Variants in COL23A1 observed in about 807,000 individuals in gnomAD.
COL23A1 encodes collagen type XXIII alpha 1 chain.
In COL23A1, 97 loss-of-function variants were observed where a neutral mutation model predicts 99.3. That is an observed-to-expected ratio of 0.98 (90% CI 0.83 to 1.16). The LOEUF (loss-of-function observed/expected upper bound fraction) is 1.16. Among genes scored for constraint, COL23A1 ranks in the 50% most tolerant of loss-of-function variants. The pLI is 0.00. For missense variants in COL23A1, 762 were observed against 757.4 expected (o/e 1.01, Z -0.07); for synonymous variants, 320 against 308.2 (o/e 1.04, Z -0.40).
intron 2 of COL23A1, among the ~76,000 whole-genome samples, chr5:178,464,889 A>C (rs1756330775): frequency 6.6e-6 from 1 of 152,212 alleles, no homozygotes. Flanking sequence ...CCAAGGTCAC[A>C]CAGTGGCTCT....
chr5:178,322,277 C>T (rs189623059), intron 2 of COL23A1, among the ~76,000 whole-genome samples: 8 of 152,316 alleles, frequency 5.3e-5, no homozygotes, highest in African/African-American at 1.2e-4. Flanking sequence ...CAAGCGTGAG[C>T]CACCGCACCT....
chr5:178,258,037 C>T (rs976632808), intron 12 of COL23A1, among the ~76,000 whole-genome samples: 6 of 152,096 alleles, frequency 3.9e-5, no homozygotes, highest in Admixed American at 3.3e-4. Flanking sequence ...TGAACAGCCA[C>T]TGCACTCCAG....
chr5:178,500,157 T>C (rs1758441216), intron 2 of COL23A1, among the ~76,000 whole-genome samples: 1 of 152,018 alleles, frequency 6.6e-6, no homozygotes, highest in Admixed American at 6.5e-5. Flanking sequence ...GGAAGGAACT[T>C]TTAGGGTGAT....
chr5:178,406,000 G>A (rs1764744334), intron 2 of COL23A1, among the ~76,000 whole-genome samples: 1 of 152,158 alleles, frequency 6.6e-6, no homozygotes, highest in Non-Finnish European at 1.5e-5. Context: ...CTACTTGGGA[G>A]GCTGAGGCAG....
At chr5:178,405,454 A>G (rs1454340293) in intron 2 of COL23A1, among the ~76,000 whole-genome samples, 1 of 152,244 alleles carries the variant, frequency 6.6e-6, no homozygotes, top group Non-Finnish European at 1.5e-5. Flanking sequence ...ATGCTTAAAC[A>G]CTTTCATTAT....
At chr5:178,496,966 G>T (rs1562024327) in intron 2 of COL23A1, among the ~76,000 whole-genome samples, 2 of 152,150 alleles carry the variant, frequency 1.3e-5, no homozygotes, top group African/African-American at 2.4e-5. Flanking sequence ...GCTTCATTGG[G>T]CCTCTCTGAG....
At chr5:178,568,585 T>C (rs1219894616) in intron 1 of COL23A1, among the ~76,000 whole-genome samples, 2 of 152,240 alleles carry the variant, frequency 1.3e-5, no homozygotes, top group African/African-American at 4.8e-5. Flanking sequence ...AACTCCTGTA[T>C]CCTTTCCTCC....
At chr5:178,325,002 C>T (rs1759563655) in intron 2 of COL23A1, among the ~76,000 whole-genome samples, 2 of 151,902 alleles carry the variant, frequency 1.3e-5, no homozygotes, top group African/African-American at 4.8e-5. Context: ...ACCTCACAAA[C>T]ACCTCGCGAA....
rs147134450 is a variant in COL23A1 at position 178,367,663 on chromosome 5, C to T, written c.362-60744G>A. Reference sequence around the variant, plus strand: ...GCTGCAGAGGGCCCATGGGATTCTGCTGCTGAACAGATGCAGGCTGCCATC... The same window carrying T: ...GCTGCAGAGGGCCCATGGGATTCTGTTGCTGAACAGATGCAGGCTGCCATC... On this transcript the variant is annotated intron_variant, in intron 2 of 28. Coordinates refer to ENST00000390654, the MANE Select transcript of COL23A1 (RefSeq NM_173465.4). 6.7e-3 allele frequency among the ~76,000 whole-genome samples: 1,022 copies of T among 152,352 alleles called. 9 individuals carry two copies. Among genetic ancestry groups the T allele is most frequent in the African/African-American group, 0.023 (976 of 41,578 alleles).
At chr5:178,334,431 G>A (rs1403947849) in intron 2 of COL23A1, among the ~76,000 whole-genome samples, 4 of 82,296 alleles carry the variant, frequency 4.9e-5, no homozygotes, top group Non-Finnish European at 1.1e-4. Context: ...GGCACCGGCC[G>A]GCACAGGCCA....
At chr5:178,578,899 C>T (rs1466129493) in intron 1 of COL23A1, among the ~76,000 whole-genome samples, 1 of 152,032 alleles carries the variant, frequency 6.6e-6, no homozygotes, top group East Asian at 1.9e-4. Flanking sequence ...TTCACAATGA[C>T]AAATCCATAC....
intron 1 of COL23A1, among the ~76,000 whole-genome samples, chr5:178,585,896 G>T (rs1763975100): frequency 1.3e-5 from 2 of 152,202 alleles, no homozygotes; most frequent in South Asian, 2.1e-4. Context: ...CCAGTGAAGG[G>T]GATGGCGACC....
At chr5:178,416,118 C>A (rs968075444) in intron 2 of COL23A1, among the ~76,000 whole-genome samples, 1 of 152,192 alleles carries the variant, frequency 6.6e-6, no homozygotes, top group Non-Finnish European at 1.5e-5. Context: ...TTCATTCGCT[C>A]GTTGACTACA....
intron 5 of COL23A1, among the ~76,000 whole-genome samples, chr5:178,286,801 A>G (rs370649774): frequency 1.1e-4 from 16 of 152,178 alleles, no homozygotes; most frequent in East Asian, 9.7e-4. Context: ...GGCAGCAGGC[A>G]GCATCCTCTC....
intron 2 of COL23A1, among the ~76,000 whole-genome samples, chr5:178,405,297 G>A (rs1764701186): frequency 6.6e-6 from 1 of 152,214 alleles, no homozygotes. Flanking sequence ...GCTAGTTTAA[G>A]TTGTTACATG....
At chr5:178,289,202 GAAGTAAAAAATAA>G (rs530737860) in intron 4 of COL23A1, among the ~76,000 whole-genome samples, 1 of 152,116 alleles carries the variant, frequency 6.6e-6, no homozygotes, top group East Asian at 1.9e-4. Context: ...ATGGTACACG[GAAGTAAAAAATAA>G]AAGGGCTCAT....
chr5:178,311,075 C>G (rs1016301246), intron 2 of COL23A1, among the ~76,000 whole-genome samples: 1 of 152,038 alleles, frequency 6.6e-6, no homozygotes, highest in South Asian at 2.1e-4. Flanking sequence ...CACTGTCCCC[C>G]ACTCTGCATG....
Position 178,456,659 on chromosome 5 carries a change from T to C in COL23A1, c.361+104023A>G, listed in dbSNP as rs1431716665. 2.0e-5 allele frequency among the ~76,000 whole-genome samples: 3 copies of C among 152,124 alleles called. 1 individual carries two copies. Among genetic ancestry groups the C allele is most frequent in the Non-Finnish European group, 4.4e-5 (3 of 68,004 alleles). On this transcript the variant is annotated intron_variant, in intron 2 of 28. Coordinates refer to ENST00000390654, the MANE Select transcript of COL23A1 (RefSeq NM_173465.4). ...GTTGCGGTGAGCCGAGATCGCACCA[T>C]TGCACTCCAGCCTGGGCAACAAGAG...
chr5:178,278,710 T>C (rs1002209818), intron 5 of COL23A1, among the ~76,000 whole-genome samples: 5 of 152,068 alleles, frequency 3.3e-5, no homozygotes, highest in Non-Finnish European at 7.4e-5. Flanking sequence ...TCCTGCACAG[T>C]GAAGGAGCAG....
Sources: allele counts gnomAD v4.1 joint callset (sites outside exome capture counted in the v4.1 genomes callset), GRCh38; gene constraint gnomAD v4.1.1; transcripts MANE v1.5; gene names NCBI Gene and HGNC (gene_info 2026-07-23, HGNC 2026-07-21).